NRXN3: variants seen among roughly 807,000 people sequenced by gnomAD.
The protein encoded by NRXN3 is neurexin 3.
A neutral mutation model predicts 137.6 loss-of-function variants in NRXN3; 32 were observed. The observed-to-expected ratio is 0.23, with a 90% CI of 0.18 to 0.31. NRXN3 has a LOEUF of 0.31. Ranked by LOEUF, NRXN3 falls within the 10% of genes least tolerant of loss-of-function variation. The pLI, the probability that NRXN3 is intolerant of heterozygous loss-of-function variation, is 1.00. For synonymous variants in NRXN3, 798 were observed against 784.5 expected, an observed-to-expected ratio of 1.02 and a Z score of -0.29; for missense variants, 1,574 against 2,062.5, an observed-to-expected ratio of 0.76 and a Z score of 4.59.
At chr14:79,087,921 T>C (rs1391534349) in intron 15 of NRXN3, among the ~76,000 whole-genome samples, 2 of 152,196 alleles carry the variant, frequency 1.3e-5, no homozygotes, top group African/African-American at 4.8e-5. Context: ...ATTAATCGCC[T>C]GCTTGTTTGG....
chr14:78,938,580 GA>G (rs2099346486), intron 10 of NRXN3, among the ~76,000 whole-genome samples: 1 of 151,750 alleles, frequency 6.6e-6, no homozygotes, highest in South Asian at 2.1e-4. Flanking sequence ...TTGACATTAG[GA>G]TTTTTTTTTC....
chr14:78,582,946 G>A (rs1027124348), intron 4 of NRXN3, among the ~76,000 whole-genome samples: 4 of 152,170 alleles, frequency 2.6e-5, no homozygotes, highest in African/African-American at 4.8e-5. Flanking sequence ...ATTCCCAGGC[G>A]TACACAGGTG....
chr14:78,538,740 G>T lies in NRXN3; in HGVS notation c.758-106380G>T, dbSNP rs557066387. Among the ~76,000 whole-genome samples the T allele has an allele frequency of 1.9e-4, 29 of 152,278 alleles. No homozygotes were observed. The South Asian group carries it at 5.4e-3, about 28-fold the overall frequency. On this transcript the variant is annotated intron_variant, in intron 4 of 20. Transcript: ENST00000335750. The stretch of plus-strand genomic sequence containing the variant: ...GTTTTTGCCCATTCAGTATGATATT[G>T]GCTGTGGGTTTGTCATAAATAGCTC...
At chr14:78,223,521 G>T (rs538233867) in intron 1 of NRXN3, among the ~76,000 whole-genome samples, 2 of 152,260 alleles carry the variant, frequency 1.3e-5, no homozygotes, top group Non-Finnish European at 2.9e-5. Context: ...GGATGGGATG[G>T]CTGCTTTTTA....
rs201439624 is a variant in NRXN3, at chr14:78,681,860, G to GT, written c.1222-27349dup. On this transcript the variant is annotated intron_variant, in intron 6 of 20. Transcript: ENST00000335750. Reference sequence around the variant, plus strand: ...CATTGCGTGATTGATACTCGGTTTTGTTTTTTTTGTTGTTGTTGCTGTTGT... The same window carrying GT: ...CATTGCGTGATTGATACTCGGTTTTGTTTTTTTTTGTTGTTGTTGCTGTTGT... Among the ~76,000 whole-genome samples, 514 of 151,666 alleles carry GT rather than the reference G, an allele frequency of 3.4e-3. 4 individuals carry two copies. The highest frequency in any genetic ancestry group is 0.011 in the African/African-American group (437 of 41,354).
At chr14:78,975,007 T>C (rs1004654772) in intron 14 of NRXN3, among the ~76,000 whole-genome samples, 2 of 152,210 alleles carry the variant, frequency 1.3e-5, no homozygotes, top group African/African-American at 2.4e-5. Flanking sequence ...GGTAGTGTTT[T>C]ATTTTTTATT....
Position 78,601,350 on chromosome 14 carries a change from A to T in NRXN3, c.758-43770A>T, listed in dbSNP as rs150202585. ...TTGGTCATATGCCAATTTTGTGAGTAAAATATAGGGTTTCTTTATGACCAT... is the reference window on the plus strand; with the variant it reads ...TTGGTCATATGCCAATTTTGTGAGTTAAATATAGGGTTTCTTTATGACCAT... On this transcript the variant is annotated intron_variant, in intron 4 of 20. Coordinates refer to ENST00000335750, the MANE Select transcript of NRXN3 (RefSeq NM_001330195.2). 2.9e-3 allele frequency among the ~76,000 whole-genome samples: 439 copies of T among 152,300 alleles called. 1 individual carries two copies. The highest frequency in any genetic ancestry group is 0.01 in the African/African-American group (424 of 41,568).
intron 19 of NRXN3, among the ~76,000 whole-genome samples, chr14:79,780,662 A>G (rs879733287): frequency 9.2e-5 from 14 of 152,196 alleles, no homozygotes; most frequent in Non-Finnish European, 1.3e-4. Flanking sequence ...GTTCAATACA[A>G]TCTCAATTTA....
intron 10 of NRXN3, among the ~76,000 whole-genome samples, chr14:78,941,623 A>T (rs1012087777): frequency 1.3e-5 from 2 of 152,232 alleles, no homozygotes; most frequent in African/African-American, 2.4e-5. Context: ...ATAAACCCAG[A>T]TAAGCTTGGC....
At chr14:78,541,904 G>C (rs1337223959) in intron 4 of NRXN3, among the ~76,000 whole-genome samples, 1 of 152,218 alleles carries the variant, frequency 6.6e-6, no homozygotes, top group African/African-American at 2.4e-5. Flanking sequence ...GGAGTTTGCT[G>C]GAGGTCCACT....
At chr14:79,652,838 G>A (rs776778688) in intron 16 of NRXN3, among the ~76,000 whole-genome samples, 4 of 151,824 alleles carry the variant, frequency 2.6e-5, no homozygotes, top group Non-Finnish European at 5.9e-5. Flanking sequence ...GCCTTTTTTC[G>A]AAGTACTGGA....
At chr14:78,425,171 C>T (rs2093613942) in intron 4 of NRXN3, among the ~76,000 whole-genome samples, 1 of 152,224 alleles carries the variant, frequency 6.6e-6, no homozygotes, top group African/African-American at 2.4e-5. Flanking sequence ...TCTGCCACTT[C>T]CTCGATCTTT....
intron 10 of NRXN3, among the ~76,000 whole-genome samples, chr14:78,919,965 G>A (rs893057560): frequency 1.4e-4 from 22 of 152,058 alleles, no homozygotes; most frequent in Non-Finnish European, 1.2e-4. Flanking sequence ...GGCAATATAC[G>A]CTTACAATTA....
chr14:78,705,273 G>A (rs2098334608), intron 6 of NRXN3, among the ~76,000 whole-genome samples: 1 of 152,234 alleles, frequency 6.6e-6, no homozygotes, highest in South Asian at 2.1e-4. Flanking sequence ...TTGACAGTCT[G>A]ATTTTACAGA....
intron 8 of NRXN3, among the ~76,000 whole-genome samples, chr14:78,746,428 G>C (rs983996704): frequency 1.3e-5 from 2 of 151,998 alleles, no homozygotes; most frequent in East Asian, 3.9e-4. Flanking sequence ...ACCTTTAGTG[G>C]GATAAGTTCT....
At chr14:79,120,204 G>C (rs1019683301) in intron 15 of NRXN3, among the ~76,000 whole-genome samples, 3 of 151,890 alleles carry the variant, frequency 2.0e-5, no homozygotes, top group African/African-American at 7.3e-5. Context: ...CCACATACTT[G>C]TATTTTGCAA....
Position 78,926,735 on chromosome 14 carries a change from A to T in NRXN3, c.2276-30507A>T, listed in dbSNP as rs866924215. The stretch of plus-strand genomic sequence containing the variant: ...ATATTATATAATTATATATAATATA[A>T]AATATATATTATATATTATATATAT... On this transcript the variant is annotated intron_variant, in intron 10 of 20. Transcript: ENST00000335750. Among the ~76,000 whole-genome samples, 100 of 73,708 alleles carry T rather than the reference A, an allele frequency of 1.4e-3. 2 individuals carry two copies. Among genetic ancestry groups the T allele is most frequent in the East Asian group, 3.4e-3 (9 of 2,640 alleles). The allele number at this position is 73,708 out of a possible 152,430, so 48.4% of individuals were successfully genotyped here.
intron 15 of NRXN3, among the ~76,000 whole-genome samples, chr14:79,187,897 C>G (rs1184333768): frequency 6.6e-6 from 1 of 152,190 alleles, no homozygotes; most frequent in Non-Finnish European, 1.5e-5. Flanking sequence ...ATCCTCATCA[C>G]AGTTCCTGCA....
intron 4 of NRXN3, among the ~76,000 whole-genome samples, chr14:78,483,141 C>T (rs1404465814): frequency 6.6e-6 from 1 of 152,110 alleles, no homozygotes. Context: ...AACTAGTGAT[C>T]ATGACTATTA....
Sources: allele counts gnomAD v4.1 joint callset (sites outside exome capture counted in the v4.1 genomes callset), GRCh38; gene constraint gnomAD v4.1.1; transcripts MANE v1.5; gene names NCBI Gene and HGNC (gene_info 2026-07-23, HGNC 2026-07-21).